The following TGM1 variants were observed in gnomAD, a reference collection of about 807,000 sequenced individuals.
The protein encoded by TGM1 is transglutaminase 1, also known as protein-glutamine gamma-glutamyltransferase K.
In TGM1, 63 loss-of-function variants were observed where a neutral mutation model predicts 88.7. That is an observed-to-expected ratio of 0.71 (90% CI 0.58 to 0.88). TGM1 has a LOEUF of 0.88. Among genes scored for constraint, TGM1 ranks in the 40% least tolerant of loss-of-function variants. The pLI is 0.00. For synonymous variants in TGM1, 415 were observed against 431.1 expected (o/e 0.96, Z 0.46); for missense variants, 996 against 1,118.0 (o/e 0.89, Z 1.56).
Position 24,250,179 on chromosome 14 carries a change from T to TGTGTGTGTGTGTGAGAGA in TGM1, c.2226-639_2226-638insTCTCTCACACACACACAC, listed in dbSNP as rs138497842. ...GTGTGTGTGTGTGTGTGTGTGTGTG[T>TGTGTGTGTGTGTGAGAGA]GAGAGAGACAGAGAGGTGGGTGGAC... On this transcript the variant is annotated intron_variant, in intron 14 of 14. Coordinates refer to ENST00000206765, the MANE Select transcript of TGM1 (RefSeq NM_000359.3). 2.5e-3 allele frequency among the ~76,000 whole-genome samples: 349 copies of TGTGTGTGTGTGTGAGAGA among 140,796 alleles called. 2 individuals are homozygous for TGTGTGTGTGTGTGAGAGA. Among genetic ancestry groups the TGTGTGTGTGTGTGAGAGA allele is most frequent in the African/African-American group, 8.9e-3 (332 of 37,160 alleles). The allele number at this position is 140,796 out of a possible 152,430, so 92.4% of individuals were successfully genotyped here.
chr14:24,261,435 C>T (rs929018763), intron 3 of TGM1, among the ~76,000 whole-genome samples: 2 of 152,146 alleles, frequency 1.3e-5, no homozygotes, highest in South Asian at 4.1e-4. Context: ...CCGAAGGAGG[C>T]ACCGAGGCAG....
In TGM1 at chr14:24,255,952, C is replaced by G. The variant is rs2040747023; in HGVS notation, c.1491+37G>C. 2 of 1,521,614 alleles carry G rather than the reference C, an allele frequency of 1.3e-6. No homozygotes were observed. The highest frequency in any genetic ancestry group is 1.8e-6 in the Non-Finnish European group (2 of 1,119,478). 94.3% of individuals were successfully genotyped at this position (1,521,614 alleles called of 1,614,324 possible). ...GAAGTTGGGACCAGAGAACCCATGA[C>G]TGAAGCCCAAGAAGGCACCTGGAGC... On this transcript the variant is annotated intron_variant, in intron 10 of 14. Transcript: ENST00000206765. The surrounding 1 kb of genome is among the most constrained non-coding windows in gnomAD (Gnocchi z 4.0).
At chr14:24,262,397 C>T (rs1186547047) in intron 1 of TGM1, 43 bp from the exon 2 acceptor site, 1 of 1,602,160 alleles carries the variant, frequency 6.2e-7, no homozygotes, top group Admixed American at 1.7e-5. Context: ...CAGGTAGTCC[C>T]AGCCAGTTGA....
chr14:24,259,608 G>T lies in TGM1; in HGVS notation c.984+96C>A. 4 of 1,047,958 alleles carry T rather than the reference G, an allele frequency of 3.8e-6. No homozygotes were observed. Among genetic ancestry groups the T allele is most frequent in the Non-Finnish European group, 5.8e-6 (4 of 694,580 alleles). The allele number at this position is 1,047,958 out of a possible 1,614,324, so 64.9% of individuals were successfully genotyped here. A position where few individuals can be genotyped will look rare whatever the true frequency, so the allele number is the denominator to read the frequency against. On this transcript the variant is annotated intron_variant, in intron 6 of 14. Coordinates refer to ENST00000206765, the MANE Select transcript of TGM1 (RefSeq NM_000359.3). The surrounding 1 kb of genome is among the most constrained non-coding windows in gnomAD (Gnocchi z 5.7). ...TACGAGGGCAGGGACAGGGCTGGGG[G>T]TTCTTGAGGAATCCAGAAAGGGCAG...
chr14:24,258,947 G>T, intron 7 of TGM1, 128 bp downstream of exon 7: 1 of 1,096,030 alleles, frequency 9.1e-7, no homozygotes. Flanking sequence ...GATAATTAAG[G>T]CCAGCCTATT....
rs182419299 is a variant in TGM1, at chr14:24,259,418, G to T, written c.985-169C>A. On this transcript the variant is annotated intron_variant, in intron 6 of 14. Transcript: ENST00000206765. The surrounding 1 kb of genome is among the most constrained non-coding windows in gnomAD (Gnocchi z 5.7). ...CACCCAGCCCTTCCCTCAGCCATCT[G>T]CCCCCCTCCCACCCGGGCTCTGACA... 6.6e-6 allele frequency among the ~76,000 whole-genome samples: 1 copy of T among 152,306 alleles called. No homozygotes were observed. The highest frequency in any genetic ancestry group is 1.5e-5 in the Non-Finnish European group (1 of 68,008).
At chr14:24,254,035 G>T in intron 14 of TGM1, 117 bp downstream of exon 14, 1 of 1,456,182 alleles carries the variant, frequency 6.9e-7, no homozygotes, top group Non-Finnish European at 9.4e-7. Flanking sequence ...CAACCTGCTT[G>T]GTTGGGTCCT....
chr14:24,262,609 G>GA (rs1450145447), intron 1 of TGM1, among the ~76,000 whole-genome samples: 2 of 152,110 alleles, frequency 1.3e-5, no homozygotes, highest in African/African-American at 4.8e-5. Flanking sequence ...GCCCAATGAA[G>GA]AAACCCACTC....
At chr14:24,260,149 C>T in intron 4 of TGM1, 91 bp from the exon 5 acceptor site, 3 of 1,231,190 alleles carry the variant, frequency 2.4e-6, no homozygotes, top group Non-Finnish European at 3.6e-6. Flanking sequence ...CTCATGTCCA[C>T]AGAAGAAAAT....
At position 24,251,200 on chromosome 14, in the gene TGM1, C is replaced by T. The variant is rs527651134; in HGVS notation, c.2226-1659G>A. On this transcript the variant is annotated intron_variant, in intron 14 of 14. Coordinates refer to ENST00000206765, the MANE Select transcript of TGM1 (RefSeq NM_000359.3). ...AGGGAGGCAGGGATATATAATAGAACGTAGTATGATAGGAAGTCTATAAAT... is the reference window on the plus strand; with the variant it reads ...AGGGAGGCAGGGATATATAATAGAATGTAGTATGATAGGAAGTCTATAAAT... Among the ~76,000 whole-genome samples the T allele has an allele frequency of 3.1e-4, 47 of 152,208 alleles. 1 individual carries two copies. The highest frequency in any genetic ancestry group is 1.1e-3 in the Admixed American group (17 of 15,290).
intron 9 of TGM1, among the ~76,000 whole-genome samples, chr14:24,257,220 G>A (rs1187950093): frequency 6.6e-6 from 1 of 152,208 alleles, no homozygotes; most frequent in Non-Finnish European, 1.5e-5. Flanking sequence ...ACTGGGAAGA[G>A]GCCAGGGGAG....
rs3832938 is a variant in TGM1 at position 24,255,872 on chromosome 14, CTGACTTGTATAATGAG to C, written c.1491+101_1491+116del. On this transcript the variant is annotated intron_variant, in intron 10 of 14. Coordinates refer to ENST00000206765, the MANE Select transcript of TGM1 (RefSeq NM_000359.3). The surrounding 1 kb of genome is among the most constrained non-coding windows in gnomAD (Gnocchi z 4.0). ...TTATCCCCTTTTACAGGTGAGGAAA[CTGACTTGTATAATGAG>C]TGACTTGCCCCGGGTCGCAGAGCTG... is the stretch of plus-strand genomic sequence containing the variant. The C allele has an allele frequency of 0.052, 46,784 of 906,638 alleles. 1,167 individuals are homozygous for C. The highest frequency in any genetic ancestry group is 0.084 in the Middle Eastern group (360 of 4,284). The allele number at this position is 906,638 out of a possible 1,614,324, so 56.2% of individuals were successfully genotyped here.
chr14:24,257,487 A>T (rs1337985900), intron 9 of TGM1, among the ~76,000 whole-genome samples: 1 of 152,162 alleles, frequency 6.6e-6, no homozygotes, highest in Admixed American at 6.5e-5. Flanking sequence ...TCTTCTTTGA[A>T]CCTATCTGAG....
At chr14:24,260,162 G>T in intron 4 of TGM1, 104 bp from the exon 5 acceptor site, 1 of 1,123,004 alleles carries the variant, frequency 8.9e-7, no homozygotes, top group Non-Finnish European at 1.3e-6. Flanking sequence ...AAGAAAATGC[G>T]GGGATGCCCC....
At position 24,261,772 on chromosome 14, in the gene TGM1, C is replaced by T. The variant is rs1465243895; in HGVS notation, c.431G>A (p.Gly144Glu). ...YEYDELIVRR[G>E]QPFHMLLLLS... is the part of the protein sequence containing the mutation. ...GAGGAGGAGCATATGGAAAGGCTGC[C>T]CGCGGCGCACTATCAGCTCGTCGTA... Residue 144 changes from glycine (G) to glutamate (E), a missense_variant, in exon 3 of 15, where the codon GGG becomes GAG. Transcript: ENST00000206765. The T allele has an allele frequency of 2.5e-6, 4 of 1,614,066 alleles. No homozygotes were observed. The highest frequency in any genetic ancestry group is 3.4e-6 in the Non-Finnish European group (4 of 1,180,004).
Position 24,260,521 on chromosome 14 carries a change from T to C in TGM1, c.686A>G (p.Asp229Gly). ...KFQFTVRTQS[D>G]AGEFQLPFDP... ...AAAGGGCAACTGGAACTCCCCAGCG[T>C]CTGATTGTGTGCGGACTGTGAACTG... The change falls in exon 4 of 15, where the codon GAC becomes GGC. Residue 229 changes from aspartate (D) to glycine (G), a missense_variant. Transcript: ENST00000206765. 6.2e-7 allele frequency: 1 copy of C among 1,614,218 alleles called. No individual in the cohort carries two copies. Among genetic ancestry groups the C allele is most frequent in the Non-Finnish European group, 8.5e-7 (1 of 1,180,042 alleles).
In TGM1 at chr14:24,263,110, G is replaced by A. The variant is rs147260129; in HGVS notation, c.-24C>T. 190 of 154,562 alleles carry A rather than the reference G, an allele frequency of 1.2e-3. No homozygotes were observed. Among genetic ancestry groups the A allele is most frequent in the Non-Finnish European group, 1.8e-3 (128 of 69,578 alleles). 9.6% of individuals were successfully genotyped at this position (154,562 alleles called of 1,614,324 possible). A position where few individuals can be genotyped will look rare whatever the true frequency, so the allele number is the denominator to read the frequency against. On this transcript the variant is annotated 5_prime_UTR_variant, in exon 1 of 15. Coordinates refer to ENST00000206765, the MANE Select transcript of TGM1 (RefSeq NM_000359.3). ...TCACCTGGCAGCAGTGTTGGCAACC[G>A]CAGTACTGAGTCCTGGGGCTGAGAT...
At chr14:24,257,423 C>A (rs148044954) in intron 9 of TGM1, among the ~76,000 whole-genome samples, 1 of 152,122 alleles carries the variant, frequency 6.6e-6, no homozygotes, top group Non-Finnish European at 1.5e-5. Flanking sequence ...AAAAGAGACC[C>A]GTTGGTTATA....
At chr14:24,261,292 G>A (rs998709732) in intron 3 of TGM1, among the ~76,000 whole-genome samples, 7 of 152,332 alleles carry the variant, frequency 4.6e-5, no homozygotes, top group Admixed American at 1.3e-4. Context: ...GGGACAGAGG[G>A]ACAGAGACAG....
Sources: gnomAD v4.1 joint callset for allele counts (sites outside exome capture counted in the v4.1 genomes callset) on GRCh38, gnomAD v4.1.1 for gene constraint, Gnocchi (gnomAD v3.1) non-coding constraint, MANE v1.5 for transcripts, NCBI Gene and HGNC (gene_info 2026-07-23, HGNC 2026-07-21) for gene names.